The following CNR1 variants were observed in gnomAD, a reference collection of about 807,000 sequenced individuals.
The protein encoded by CNR1 is cannabinoid receptor 1 (brain).
CNR1 carries 10 observed loss-of-function variants against 23.0 expected under a neutral mutation model. The ratio of observed to expected loss-of-function variants is 0.43; its 90% confidence interval spans 0.27 to 0.74. CNR1 has a LOEUF of 0.74. CNR1 is among the 30% of genes least tolerant of loss of function. CNR1 has a pLI of 0.19. For missense variants in CNR1, 422 were observed against 618.8 expected, an observed-to-expected ratio of 0.68 and a Z score of 3.37; for synonymous variants, 271 against 255.2, an observed-to-expected ratio of 1.06 and a Z score of -0.59.
intron 1 of CNR1, among the ~76,000 whole-genome samples, chr6:88,160,070 G>A (rs1778009512): frequency 6.6e-6 from 1 of 152,072 alleles, no homozygotes; most frequent in Non-Finnish European, 1.5e-5. Flanking sequence ...GCACACGCCT[G>A]TAATCCCAGC....
At chr6:88,159,586 C>CT (rs1220989995) in intron 1 of CNR1, among the ~76,000 whole-genome samples, 1 of 152,162 alleles carries the variant, frequency 6.6e-6, no homozygotes, top group African/African-American at 2.4e-5. Flanking sequence ...AAGATTTCTC[C>CT]TTTTTTGTTT....
intron 1 of CNR1, among the ~76,000 whole-genome samples, chr6:88,156,825 T>C (rs114706969): frequency 0.011 from 1,614 of 152,330 alleles, 41 homozygotes; most frequent in African/African-American, 0.036. Context: ...GGACAGTTTT[T>C]TCTGGCATAA....
chr6:88,164,372 C>T (rs888976322), intron 1 of CNR1: 4 of 152,328 alleles, frequency 2.6e-5, no homozygotes, highest in African/African-American at 7.2e-5. Context: ...AACCATGTCC[C>T]ACATCAAGTC....
Position 88,144,920 on chromosome 6 carries a change from T to C in CNR1, c.355A>G (p.Ile119Val), listed in dbSNP as rs1158654261. The C allele has an allele frequency of 2.5e-6, 4 of 1,614,074 alleles. No individual in the cohort carries two copies. The highest frequency in any genetic ancestry group is 3.4e-6 in the Non-Finnish European group (4 of 1,180,028). Residue 119 changes from isoleucine to valine, a missense_variant, in exon 2 of 2, where the codon ATT (isoleucine) becomes GTT (valine). Around this residue, in one of 4 missense-constraint regions of CNR1, gnomAD observed 211 missense variants for 357.3 expected, o/e 0.59. Transcript: ENST00000369501. The surrounding 1 kb of genome is among the most constrained non-coding windows in gnomAD (Gnocchi z 7.8). ...CCCAGCGTGAGGGACAGGACTGCAA[T>C]GGCCAGCTGCTGGCTGGGGTTCAGG... ...MVLNPSQQLA[I>V]AVLSLTLGTF...
At chr6:88,158,148 C>A (rs1401548255) in intron 1 of CNR1, among the ~76,000 whole-genome samples, 1 of 152,060 alleles carries the variant, frequency 6.6e-6, no homozygotes, top group Non-Finnish European at 1.5e-5. Context: ...ACTGGAAGAA[C>A]GAGGTTTCAG....
intron 1 of CNR1, among the ~76,000 whole-genome samples, chr6:88,155,896 T>C (rs527390216): frequency 3.9e-5 from 6 of 152,320 alleles, no homozygotes; most frequent in African/African-American, 1.4e-4. Flanking sequence ...ATATAGATGG[T>C]AATGACACTT....
intron 1 of CNR1, among the ~76,000 whole-genome samples, chr6:88,151,684 A>G (rs985215785): frequency 6.6e-6 from 1 of 151,316 alleles, no homozygotes; most frequent in African/African-American, 2.4e-5. Context: ...TTATAATAAT[A>G]TAATACATAC....
intron 1 of CNR1, among the ~76,000 whole-genome samples, chr6:88,158,190 T>C (rs915955525): frequency 1.3e-5 from 2 of 152,160 alleles, no homozygotes; most frequent in Admixed American, 1.3e-4. Flanking sequence ...GGAAATGTAG[T>C]TGTGATTAAG....
intron 1 of CNR1, among the ~76,000 whole-genome samples, chr6:88,147,287 G>A (rs1052421067): frequency 2.0e-5 from 3 of 152,178 alleles, no homozygotes; most frequent in African/African-American, 7.2e-5. Context: ...ACTCCAGTCT[G>A]GCAACAGAGC....
intron 1 of CNR1, among the ~76,000 whole-genome samples, chr6:88,147,329 C>T (rs1323432717): frequency 6.6e-6 from 1 of 151,932 alleles, no homozygotes; most frequent in African/African-American, 2.4e-5. Context: ...TCCTTGCCCG[C>T]ATGAAGGATA....
At chr6:88,151,548 A>T (rs806379) in intron 1 of CNR1, among the ~76,000 whole-genome samples, 70,561 of 151,830 alleles carry the variant, frequency 0.46, 16,828 homozygotes, top group African/African-American at 0.53. Flanking sequence ...AATTAGATGA[A>T]ATTAAATGCA....
Position 88,143,566 on chromosome 6 carries a change from T to C in CNR1, c.*290A>G. ...TTGATGGCATTTTTCCATGGGTTCT[T>C]AGACTTCCAATTGTGTAGCCAAAGG... On this transcript the variant is annotated 3_prime_UTR_variant, in exon 2 of 2. Transcript: ENST00000369501. 3.3e-6 allele frequency: 1 copy of C among 306,226 alleles called. No homozygotes were observed. Among genetic ancestry groups the C allele is most frequent in the Non-Finnish European group, 6.0e-6 (1 of 165,538 alleles). The allele number at this position is 306,226 out of a possible 1,614,324, so 19.0% of individuals were successfully genotyped here.
intron 1 of CNR1, among the ~76,000 whole-genome samples, chr6:88,151,236 GT>G (rs1777501628): frequency 6.6e-6 from 1 of 152,234 alleles, no homozygotes; most frequent in African/African-American, 2.4e-5. Context: ...CACATTTCAA[GT>G]CCTTAATAGC....
At chr6:88,164,710 G>C (rs769613654) in intron 1 of CNR1, among the ~76,000 whole-genome samples, 1 of 152,160 alleles carries the variant, frequency 6.6e-6, no homozygotes, top group Non-Finnish European at 1.5e-5. Flanking sequence ...CTTAAAGGTT[G>C]GTTGCTCTGA....
Position 88,141,020 on chromosome 6 carries a change from G to A in CNR1, c.*2836C>T, listed in dbSNP as rs908970064. On this transcript the variant is annotated 3_prime_UTR_variant, in exon 2 of 2. Transcript: ENST00000369501. ...GGAATTTGGCCCTTTCTGAACATGT[G>A]TGATGGTAAAATGCATGGTCAGGGC... The A allele has an allele frequency of 1.3e-5, 2 of 152,166 alleles. No homozygotes were observed. The highest frequency in any genetic ancestry group is 2.9e-5 in the Non-Finnish European group (2 of 68,016). 9.4% of individuals were successfully genotyped at this position (152,166 alleles called of 1,614,324 possible). A position where few individuals can be genotyped will look rare whatever the true frequency, so the allele number is the denominator to read the frequency against.
Position 88,140,954 on chromosome 6 carries a change from T to C in CNR1, c.*2902A>G, listed in dbSNP as rs1179844484. On this transcript the variant is annotated 3_prime_UTR_variant, in exon 2 of 2. Coordinates refer to ENST00000369501, the MANE Select transcript of CNR1 (RefSeq NM_016083.6). ...TTGTGCAAATGAAACATTCTAGGAC[T>C]GATTCATCATGACTCTGATAAAAAA... 1.4e-5 allele frequency: 2 copies of C among 144,670 alleles called. No individual in the cohort carries two copies. The highest frequency in any genetic ancestry group is 3.9e-4 in the East Asian group (2 of 5,078). The allele number at this position is 144,670 out of a possible 1,614,324, so 9.0% of individuals were successfully genotyped here. A position where few individuals can be genotyped will look rare whatever the true frequency, so the allele number is the denominator to read the frequency against.
At chr6:88,147,296 G>A (rs1034207096) in intron 1 of CNR1, among the ~76,000 whole-genome samples, 1 of 152,178 alleles carries the variant, frequency 6.6e-6, no homozygotes, top group Non-Finnish European at 1.5e-5. Flanking sequence ...TGGCAACAGA[G>A]CAACATTCTG....
At chr6:88,147,851 C>T (rs1296760928) in intron 1 of CNR1, 1 of 152,452 alleles carries the variant, frequency 6.6e-6, no homozygotes, top group African/African-American at 2.4e-5. Flanking sequence ...TTTTCAGGCC[C>T]AGGCCCTCCA....
chr6:88,143,690 T>C lies in CNR1; in HGVS notation c.*166A>G, dbSNP rs1776958308. The C allele has an allele frequency of 3.0e-5, 19 of 625,814 alleles. No individual in the cohort carries two copies. The South Asian group carries it at 3.5e-4, about 12-fold the overall frequency. The allele number at this position is 625,814 out of a possible 1,614,324, so 38.8% of individuals were successfully genotyped here. A position where few individuals can be genotyped will look rare whatever the true frequency, so the allele number is the denominator to read the frequency against. ...CCCTGGAGAATGGAGTTTGAGTACC[T>C]AAACTATGGAAACATTAGCAAACTG... On this transcript the variant is annotated 3_prime_UTR_variant, in exon 2 of 2. Coordinates refer to ENST00000369501, the MANE Select transcript of CNR1 (RefSeq NM_016083.6).
Sources: allele counts gnomAD v4.1 joint callset (sites outside exome capture counted in the v4.1 genomes callset), GRCh38; gene constraint gnomAD v4.1.1; regional missense constraint gnomAD v4.1.1; non-coding constraint Gnocchi (gnomAD v3.1); transcripts MANE v1.5; gene names NCBI Gene and HGNC (gene_info 2026-07-23, HGNC 2026-07-21).